HDAC1: variants seen among roughly 807,000 people sequenced by gnomAD.
HDAC1 encodes the protein histone deacetylase 1.
A neutral mutation model predicts 65.5 loss-of-function variants in HDAC1; 18 were observed. The ratio of observed to expected loss-of-function variants is 0.27; its 90% CI spans 0.19 to 0.41. The LOEUF is 0.41. Among genes scored for constraint, HDAC1 ranks in the 10% least tolerant of loss-of-function variants. The pLI is 1.00. For synonymous variants in HDAC1, 211 were observed against 227.9 expected, an observed-to-expected ratio of 0.93 and a Z score of 0.67; for missense variants, 373 against 625.2, an observed-to-expected ratio of 0.60 and a Z score of 4.30.
Position 32,330,785 on chromosome 1 carries a change from G to T in HDAC1, c.856G>T (p.Glu286Ter). The T allele has an allele frequency of 6.2e-7, 1 of 1,614,174 alleles. No homozygotes were observed. Among genetic ancestry groups the T allele is most frequent in the South Asian group, 1.1e-5 (1 of 91,078 alleles). The change falls in exon 9 of 14, where the codon GAA becomes TAA. Residue 286 changes from glutamate to a stop codon, truncating the protein, a stop_gained. Transcript: ENST00000373548. LOFTEE classifies it high-confidence loss of function. This position sits in a 1 kb window ranked among gnomAD's most constrained non-coding sequence, Gnocchi z 4.2. ...CACCAAAGGACACGCCAAGTGTGTG[G>T]AATTTGTCAAGAGCTTTAACCTGCC... is the stretch of plus-strand genomic sequence containing the variant. ...LTIKGHAKCV[E>*]FVKSFNLPML...
At chr1:32,297,735 C>T (rs541784434) in intron 1 of HDAC1, among the ~76,000 whole-genome samples, 16 of 150,184 alleles carry the variant, frequency 1.1e-4, no homozygotes, top group East Asian at 5.9e-4. Flanking sequence ...CTCAGCCTCC[C>T]GAGGAGCTGG....
intron 3 of HDAC1, among the ~76,000 whole-genome samples, chr1:32,324,124 A>T (rs1387417711): frequency 2.6e-5 from 4 of 151,896 alleles, no homozygotes; most frequent in Non-Finnish European, 5.9e-5. Flanking sequence ...AGAAAAAAAA[A>T]TTAGCTGGGT....
At chr1:32,307,937 A>C (rs553301840) in intron 2 of HDAC1, among the ~76,000 whole-genome samples, 9 of 152,222 alleles carry the variant, frequency 5.9e-5, no homozygotes, top group Non-Finnish European at 1.2e-4. Context: ...AGTTGTTTGG[A>C]GTATAATATT....
chr1:32,297,535 G>GT (rs1640784698), intron 1 of HDAC1, among the ~76,000 whole-genome samples: 1 of 152,122 alleles, frequency 6.6e-6, no homozygotes, highest in African/African-American at 2.4e-5. Flanking sequence ...CTCAGCTTGA[G>GT]TGACAAAGCA....
chr1:32,295,680 G>T (rs890896224), intron 1 of HDAC1, among the ~76,000 whole-genome samples: 5 of 152,208 alleles, frequency 3.3e-5, no homozygotes, highest in African/African-American at 9.7e-5. Flanking sequence ...TCCAAACACT[G>T]TTGGCATTGG....
At position 32,292,121 on chromosome 1, in the gene HDAC1, G is replaced by A. The variant is rs918818913; in HGVS notation, c.-49G>A. Reference sequence around the variant, plus strand: ...GGTCGGACGCTGAGCGGAGCCGCGGGCGGGAGGGCGGACGGACCGACTGAC... The same window carrying A: ...GGTCGGACGCTGAGCGGAGCCGCGGACGGGAGGGCGGACGGACCGACTGAC... On this transcript the variant is annotated 5_prime_UTR_variant, in exon 1 of 14. Coordinates refer to ENST00000373548, the MANE Select transcript of HDAC1 (RefSeq NM_004964.3). 3.6e-5 allele frequency: 55 copies of A among 1,537,494 alleles called. 1 individual carries two copies. Among genetic ancestry groups the A allele is most frequent in the Non-Finnish European group, 4.6e-5 (52 of 1,137,824 alleles).
intron 6 of HDAC1, among the ~76,000 whole-genome samples, chr1:32,328,395 T>TCCGCCTC (rs748091831): frequency 6.6e-6 from 1 of 151,908 alleles, no homozygotes; most frequent in Non-Finnish European, 1.5e-5. Context: ...CACTGCAGCC[T>TCCGCCTC]CCGCCTCCCG....
chr1:32,308,041 CG>C (rs1557602905), intron 2 of HDAC1, among the ~76,000 whole-genome samples: 1 of 152,206 alleles, frequency 6.6e-6, no homozygotes, highest in South Asian at 2.1e-4. Flanking sequence ...TACTTCGGGC[CG>C]GGCGCAGTGG....
rs148173487 is a variant in HDAC1, at chr1:32,302,643, T to C, written c.72T>C (p.Tyr24=). Residue 24 remains tyrosine (Y), a synonymous_variant, in exon 2 of 14, where the codon TAT becomes TAC. Coordinates refer to ENST00000373548, the MANE Select transcript of HDAC1 (RefSeq NM_004964.3). ...YYDGDVGNYY[Y]GQGHPMKPHR... is the part of the protein sequence containing the mutation. ...CAGGGGATGTTGGAAATTACTATTATGGACAAGGCCACCCAATGAAGCCTC... is the reference window on the plus strand; with the variant it reads ...CAGGGGATGTTGGAAATTACTATTACGGACAAGGCCACCCAATGAAGCCTC... 38 of 1,591,884 alleles carry C rather than the reference T, an allele frequency of 2.4e-5. No homozygotes were observed. The Admixed American group carries it at 4.7e-4, about 20-fold the overall frequency.
chr1:32,327,131 T>C lies in HDAC1; in HGVS notation c.494+54T>C, dbSNP rs1274781094. 3 of 1,587,744 alleles carry C rather than the reference T, an allele frequency of 1.9e-6. No individual in the cohort carries two copies. Among genetic ancestry groups the C allele is most frequent in the Non-Finnish European group, 1.7e-6 (2 of 1,160,720 alleles). ...AGAGCACCTTAGGCCAGGTTCCCAT[T>C]TCCCTCTTCCCCTGGGCTTGCCTCC... On this transcript the variant is annotated intron_variant, in intron 5 of 13. Coordinates refer to ENST00000373548, the MANE Select transcript of HDAC1 (RefSeq NM_004964.3). This position sits in a 1 kb window ranked among gnomAD's most constrained non-coding sequence, Gnocchi z 6.0.
rs115593822 is a variant in HDAC1, at chr1:32,313,889, T to C, written c.163-2776T>C. On this transcript the variant is annotated intron_variant, in intron 2 of 13. Coordinates refer to ENST00000373548, the MANE Select transcript of HDAC1 (RefSeq NM_004964.3). ...TGATGGAATGGCGTCCTGTCCAAGG[T>C]TGGTTCCTTGTGTTGAGCTGCGGGA... Among the ~76,000 whole-genome samples, 987 of 152,270 alleles carry C rather than the reference T, an allele frequency of 6.5e-3. 10 individuals carry two copies. The highest frequency in any genetic ancestry group is 0.023 in the African/African-American group (959 of 41,540).
At position 32,329,450 on chromosome 1, in the gene HDAC1, T is replaced by G. The variant is rs957292405; in HGVS notation, c.729+290T>G. On this transcript the variant is annotated intron_variant, in intron 7 of 13. Coordinates refer to ENST00000373548, the MANE Select transcript of HDAC1 (RefSeq NM_004964.3). The surrounding 1 kb of genome is among the most constrained non-coding windows in gnomAD (Gnocchi z 4.1). The stretch of plus-strand genomic sequence containing the variant: ...CAGGCACATACCCAGTAGTCTATGA[T>G]TAGTACTGTTTTTGTATCTCCATTT... 6.0e-5 allele frequency: 31 copies of G among 516,794 alleles called. No individual in the cohort carries two copies. The highest frequency in any genetic ancestry group is 5.0e-4 in the African/African-American group (26 of 52,508). 32.0% of individuals were successfully genotyped at this position (516,794 alleles called of 1,614,324 possible). A position where few individuals can be genotyped will look rare whatever the true frequency, so the allele number is the denominator to read the frequency against.
chr1:32,320,152 G>A (rs1292395553), intron 3 of HDAC1, among the ~76,000 whole-genome samples: 1 of 151,530 alleles, frequency 6.6e-6, no homozygotes, highest in Non-Finnish European at 1.5e-5. Flanking sequence ...CCCGACAGGC[G>A]GAGCTTGCAG....
chr1:32,292,309 G>A, intron 1 of HDAC1, 91 bp downstream of exon 1: 1 of 1,535,884 alleles, frequency 6.5e-7, no homozygotes, highest in African/African-American at 1.4e-5. Context: ...GGAGGCTGCG[G>A]GAGGCTGAGG....
chr1:32,301,551 A>G (rs921820931), intron 1 of HDAC1, among the ~76,000 whole-genome samples: 7 of 152,142 alleles, frequency 4.6e-5, no homozygotes, highest in Non-Finnish European at 8.8e-5. Flanking sequence ...GAGTGGATCA[A>G]CTGAGGTTAG....
chr1:32,301,503 C>T (rs1184180915), intron 1 of HDAC1, among the ~76,000 whole-genome samples: 1 of 151,736 alleles, frequency 6.6e-6, no homozygotes, highest in Non-Finnish European at 1.5e-5. Context: ...GGCGCGGTGG[C>T]TCACACCTGT....
In HDAC1 at chr1:32,333,318, C is replaced by CA. The variant is rs1641325551; in HGVS notation, c.*277dup. The CA allele has an allele frequency of 3.4e-6, 1 of 292,468 alleles. No homozygotes were observed. Among genetic ancestry groups the CA allele is most frequent in the South Asian group, 7.1e-5 (1 of 14,020 alleles). The allele number at this position is 292,468 out of a possible 1,614,324, so 18.1% of individuals were successfully genotyped here. A position where few individuals can be genotyped will look rare whatever the true frequency, so the allele number is the denominator to read the frequency against. ...GGGATACTTTTATGCAACCATAAGA[C>CA]AAACTCCTGAAATGCCAAGTGCCTG... On this transcript the variant is annotated 3_prime_UTR_variant, in exon 14 of 14. Transcript: ENST00000373548.
intron 3 of HDAC1, among the ~76,000 whole-genome samples, chr1:32,323,556 C>A (rs923162572): frequency 6.6e-6 from 1 of 152,024 alleles, no homozygotes; most frequent in Non-Finnish European, 1.5e-5. Flanking sequence ...TGCCACCACA[C>A]CTGGCTAATT....
chr1:32,297,055 TTGG>T (rs1557598606), intron 1 of HDAC1, among the ~76,000 whole-genome samples: 1 of 151,908 alleles, frequency 6.6e-6, no homozygotes, highest in Non-Finnish European at 1.5e-5. Flanking sequence ...GGTAGGGCAG[TTGG>T]TGGAGCAGGA....
Sources: allele counts gnomAD v4.1 joint callset (sites outside exome capture counted in the v4.1 genomes callset), GRCh38; gene constraint gnomAD v4.1.1; non-coding constraint Gnocchi (gnomAD v3.1); transcripts MANE v1.5; gene names NCBI Gene and HGNC (gene_info 2026-07-23, HGNC 2026-07-21).